Variants in KAZN observed in about 807,000 individuals in gnomAD.
KAZN encodes the protein kazrin.
A neutral mutation model predicts 87.4 loss-of-function variants in KAZN; 40 were observed. That is an observed-to-expected ratio of 0.46 (90% CI 0.36 to 0.60). The LOEUF (loss-of-function observed/expected upper bound fraction) is 0.60, where lower values mean the gene tolerates loss of function less well. Among genes scored for constraint, KAZN ranks in the 20% least tolerant of loss-of-function variants. The pLI, the probability that KAZN is intolerant of heterozygous loss-of-function variation, is 0.00. For synonymous variants in KAZN, 466 were observed against 458.3 expected (o/e 1.02, Z -0.22); for missense variants, 898 against 1,073.9 (o/e 0.84, Z 2.29).
chr1:15,048,765 G>A (rs1424925087), intron 4 of KAZN, among the ~76,000 whole-genome samples: 1 of 146,086 alleles, frequency 6.8e-6, no homozygotes, highest in Non-Finnish European at 1.5e-5. Context: ...ATCCTGGGTC[G>A]TCGATCCTGG....
intron 1 of KAZN, among the ~76,000 whole-genome samples, chr1:14,888,877 A>C (rs1654404472): frequency 1.3e-5 from 2 of 152,184 alleles, no homozygotes; most frequent in Non-Finnish European, 2.9e-5. Context: ...TGCTGGAGTA[A>C]AGAGAAAATA....
At chr1:14,319,650 C>G (rs1195523486) in intron 2 of KAZN, among the ~76,000 whole-genome samples, 1 of 152,180 alleles carries the variant, frequency 6.6e-6, no homozygotes, top group Non-Finnish European at 1.5e-5. Context: ...CCCTTCTCGA[C>G]AGCCTGCAGT....
chr1:14,930,089 C>G lies in KAZN; in HGVS notation c.227-30595C>G, dbSNP rs191169884. The G allele has an allele frequency of 2.7e-4, 267 of 985,484 alleles. No individual in the cohort carries two copies. The African/African-American group carries it at 4.4e-3, about 16-fold the overall frequency. The allele number at this position is 985,484 out of a possible 1,614,324, so 61.0% of individuals were successfully genotyped here. On this transcript the variant is annotated intron_variant, in intron 1 of 14. Transcript: ENST00000376030. Reference sequence around the variant, plus strand: ...TGTCCCAGCCCTGAACTGGCTGACACTGAGTCTGGCCTAAGCAGCGGGGAG... The same window carrying G: ...TGTCCCAGCCCTGAACTGGCTGACAGTGAGTCTGGCCTAAGCAGCGGGGAG...
At chr1:14,036,023 G>A (rs151008135) in intron 1 of KAZN, among the ~76,000 whole-genome samples, 1 of 152,216 alleles carries the variant, frequency 6.6e-6, no homozygotes, top group Non-Finnish European at 1.5e-5. Flanking sequence ...GCTTTATAGA[G>A]GAGGTATCAT....
chr1:14,716,973 C>T (rs1642827713), intron 1 of KAZN, among the ~76,000 whole-genome samples: 1 of 151,560 alleles, frequency 6.6e-6, no homozygotes, highest in Admixed American at 6.6e-5. Context: ...TCACAGCAGT[C>T]CCGCCCTCTG....
intron 2 of KAZN, among the ~76,000 whole-genome samples, chr1:14,454,419 C>T (rs1667453066): frequency 6.6e-6 from 1 of 152,198 alleles, no homozygotes; most frequent in African/African-American, 2.4e-5. Context: ...AGTTTTCTCT[C>T]CTCAATTAGA....
intron 1 of KAZN, among the ~76,000 whole-genome samples, chr1:14,092,327 G>A (rs1644017412): frequency 6.6e-6 from 1 of 151,066 alleles, no homozygotes; most frequent in East Asian, 1.9e-4. Flanking sequence ...TCCTGACCTC[G>A]TGATCTGTCC....
intron 1 of KAZN, among the ~76,000 whole-genome samples, chr1:14,718,978 T>G (rs1642952364): frequency 6.6e-6 from 1 of 152,030 alleles, no homozygotes; most frequent in African/African-American, 2.4e-5. Context: ...ACAGTCTGAG[T>G]TGAGGGCTGG....
chr1:13,929,711 G>C (rs1373844995), intron 1 of KAZN, among the ~76,000 whole-genome samples: 1 of 152,178 alleles, frequency 6.6e-6, no homozygotes. Flanking sequence ...CATAGGAAAG[G>C]GATGGGGGCT....
chr1:13,925,795 G>A (rs12125090), intron 1 of KAZN, among the ~76,000 whole-genome samples: 17,306 of 152,274 alleles, frequency 0.11, 1,186 homozygotes, highest in African/African-American at 0.18. Context: ...GAGAGTCCAG[G>A]TTGGGAAGAG....
At chr1:13,923,748 G>C (rs1296715151) in intron 1 of KAZN, among the ~76,000 whole-genome samples, 4 of 151,970 alleles carry the variant, frequency 2.6e-5, no homozygotes, top group Non-Finnish European at 2.9e-5. Context: ...AGGTGGAAGG[G>C]GAGGAAAGGC....
At chr1:13,954,412 A>T (rs1379249401) in intron 1 of KAZN, among the ~76,000 whole-genome samples, 3 of 152,224 alleles carry the variant, frequency 2.0e-5, no homozygotes, top group African/African-American at 7.2e-5. Context: ...TTTGTGCATG[A>T]CAGGATAAGA....
chr1:14,250,658 A>G (rs1254775267), intron 2 of KAZN, among the ~76,000 whole-genome samples: 1 of 151,902 alleles, frequency 6.6e-6, no homozygotes, highest in African/African-American at 2.4e-5. Context: ...TGGGGGCTTT[A>G]GTTGTATTAT....
chr1:14,141,987 A>G (rs1468168557), intron 1 of KAZN, among the ~76,000 whole-genome samples: 1 of 152,044 alleles, frequency 6.6e-6, no homozygotes, highest in Non-Finnish European at 1.5e-5. Flanking sequence ...ATTTGTTCTC[A>G]TGTTGCTATA....
chr1:14,141,734 G>T (rs1042066983), intron 1 of KAZN, among the ~76,000 whole-genome samples: 1 of 152,134 alleles, frequency 6.6e-6, no homozygotes, highest in African/African-American at 2.4e-5. Flanking sequence ...AAAAAAATCA[G>T]CGAGTTTTGG....
At chr1:14,172,560 A>G (rs1418011104) in intron 1 of KAZN, among the ~76,000 whole-genome samples, 1 of 152,250 alleles carries the variant, frequency 6.6e-6, no homozygotes, top group African/African-American at 2.4e-5. Flanking sequence ...GTTATCTGTT[A>G]TCTATTGCTG....
At chr1:14,381,083 G>A (rs1468160235) in intron 2 of KAZN, among the ~76,000 whole-genome samples, 1 of 152,166 alleles carries the variant, frequency 6.6e-6, no homozygotes, top group Non-Finnish European at 1.5e-5. Flanking sequence ...CAGAGCTATG[G>A]AGAGTATTGC....
At chr1:14,272,266 G>A (rs906004755) in intron 2 of KAZN, among the ~76,000 whole-genome samples, 1 of 152,092 alleles carries the variant, frequency 6.6e-6, no homozygotes, top group African/African-American at 2.4e-5. Context: ...CTTCTCCTGG[G>A]ACCTGTGGAC....
chr1:14,067,318 T>G (rs1394826726), intron 1 of KAZN, among the ~76,000 whole-genome samples: 4 of 152,152 alleles, frequency 2.6e-5, no homozygotes, highest in African/African-American at 9.7e-5. Flanking sequence ...AGGTATGACA[T>G]AGAATGGGAA....
Sources: gnomAD v4.1 joint callset for allele counts (sites outside exome capture counted in the v4.1 genomes callset) on GRCh38, gnomAD v4.1.1 for gene constraint, MANE v1.5 for transcripts, NCBI Gene and HGNC (gene_info 2026-07-23, HGNC 2026-07-21) for gene names.